Variants in TAF4B observed in about 807,000 individuals in gnomAD.
TAF4B encodes transcription initiation factor TFIID subunit 4B.
In TAF4B, 38 loss-of-function variants were observed where a neutral mutation model predicts 86.4. The observed-to-expected ratio is 0.44, with a 90% confidence interval of 0.34 to 0.58. The LOEUF (loss-of-function observed/expected upper bound fraction) is 0.58, where lower values mean the gene tolerates loss of function less well. Among genes scored for constraint, TAF4B ranks in the 20% least tolerant of loss-of-function variants. The pLI is 0.02. For synonymous variants in TAF4B, 388 were observed against 391.2 expected (o/e 0.99, Z 0.10); for missense variants, 988 against 1,027.6 (o/e 0.96, Z 0.53).
intron 3 of TAF4B, among the ~76,000 whole-genome samples, chr18:26,269,530 G>A (rs570015319): frequency 5.0e-4 from 76 of 152,258 alleles, no homozygotes; most frequent in African/African-American, 1.7e-3. Flanking sequence ...CTTGGAGCCT[G>A]CTACCTGGAA....
chr18:26,227,211 T>C lies in TAF4B; in HGVS notation c.278T>C (p.Ile93Thr). Reference sequence around the variant, plus strand: ...GGCCCTAGGCTGCCTGCTCCTCAGATAGTCGCCGTGAAAGCCCCCAACACC... The same window carrying C: ...GGCCCTAGGCTGCCTGCTCCTCAGACAGTCGCCGTGAAAGCCCCCAACACC... ...SSGPRLPAPQ[I>T]VAVKAPNTTT... The change falls in exon 1 of 15, where the codon ATA becomes ACA. Residue 93 changes from isoleucine (I) to threonine (T), a missense_variant. Ile to Thr is a moderately conservative substitution (Grantham distance 89). Transcript: ENST00000269142. The C allele has an allele frequency of 3.7e-6, 6 of 1,613,964 alleles. No homozygotes were observed. The highest frequency in any genetic ancestry group is 5.1e-6 in the Non-Finnish European group (6 of 1,179,942).
At chr18:26,365,821 G>A (rs866686227) in intron 14 of TAF4B, among the ~76,000 whole-genome samples, 40 of 152,212 alleles carry the variant, frequency 2.6e-4, no homozygotes, top group Admixed American at 2.3e-3. Context: ...ATGGGGTCTT[G>A]CTTTATCACC....
intron 12 of TAF4B, among the ~76,000 whole-genome samples, chr18:26,329,358 T>G (rs927296026): frequency 6.6e-6 from 1 of 152,134 alleles, no homozygotes; most frequent in Non-Finnish European, 1.5e-5. Context: ...TGCCCAGCCA[T>G]TTTTCTTTTC....
intron 9 of TAF4B, among the ~76,000 whole-genome samples, chr18:26,313,752 A>G (rs781038783): frequency 8.6e-5 from 13 of 151,380 alleles, no homozygotes; most frequent in Non-Finnish European, 1.3e-4. Context: ...TGCAGCCTCT[A>G]CCTCCCAGGC....
chr18:26,278,697 C>G lies in TAF4B; in HGVS notation c.883-3274C>G, dbSNP rs144959301. 2.0e-5 allele frequency among the ~76,000 whole-genome samples: 3 copies of G among 151,546 alleles called. No homozygotes were observed. The South Asian group carries it at 6.3e-4, about 32-fold the overall frequency. On this transcript the variant is annotated intron_variant, in intron 5 of 14. Coordinates refer to ENST00000269142, the MANE Select transcript of TAF4B (RefSeq NM_005640.3). ...TTCACTTTGCCATTGCCTTTCTTACCGGTAGTTTTACCCATTGTTGCCTTT... is the reference window on the plus strand; with the variant it reads ...TTCACTTTGCCATTGCCTTTCTTACGGGTAGTTTTACCCATTGTTGCCTTT...
intron 13 of TAF4B, among the ~76,000 whole-genome samples, chr18:26,346,641 CAGT>C (rs2057181558): frequency 1.3e-5 from 2 of 148,532 alleles, no homozygotes; most frequent in Admixed American, 6.8e-5. Flanking sequence ...ATCAGATTAA[CAGT>C]AGATTTCTCA....
chr18:26,377,850 T>A (rs565760909), intron 14 of TAF4B, among the ~76,000 whole-genome samples: 3 of 152,344 alleles, frequency 2.0e-5, no homozygotes, highest in East Asian at 3.9e-4. Context: ...CATTAGGGAT[T>A]TCAACAAAAT....
chr18:26,304,479 A>ACT (rs1314228863), intron 9 of TAF4B, among the ~76,000 whole-genome samples: 1 of 152,250 alleles, frequency 6.6e-6, no homozygotes, highest in Non-Finnish European at 1.5e-5. Context: ...AAATGTAGTC[A>ACT]ATAAATCTAA....
chr18:26,230,918 TGA>T (rs2055655534), intron 1 of TAF4B, among the ~76,000 whole-genome samples: 1 of 152,156 alleles, frequency 6.6e-6, no homozygotes, highest in African/African-American at 2.4e-5. Context: ...ATCAGTGTGT[TGA>T]GTTTTGATTT....
At chr18:26,361,742 CTCAAAAAA>C (rs1230651610) in intron 14 of TAF4B, among the ~76,000 whole-genome samples, 1 of 108,908 alleles carries the variant, frequency 9.2e-6, no homozygotes, top group African/African-American at 3.6e-5. Flanking sequence ...GAGACTCCGT[CTCAAAAAA>C]AAAAAAAAAA....
rs1978680217 is a variant in TAF4B, at chr18:26,391,071, TAAC to T, written c.*1062_*1064del. On this transcript the variant is annotated 3_prime_UTR_variant, in exon 15 of 15. Coordinates refer to ENST00000269142, the MANE Select transcript of TAF4B (RefSeq NM_005640.3). ...ATCCTAATTGATGATGAGAAATTTT[TAAC>T]AATAGGACTTTATGTTGGATTCTGT... 6.6e-6 allele frequency: 1 copy of T among 152,210 alleles called. No homozygotes were observed. Among genetic ancestry groups the T allele is most frequent in the South Asian group, 2.1e-4 (1 of 4,834 alleles). The allele number at this position is 152,210 out of a possible 1,614,324, so 9.4% of individuals were successfully genotyped here.
At position 26,364,900 on chromosome 18, in the gene TAF4B, TTAAAA is replaced by T. The variant is rs200301874; in HGVS notation, c.2421+7109_2421+7113del. Among the ~76,000 whole-genome samples the T allele has an allele frequency of 9.6e-3, 1,456 of 152,194 alleles. 12 individuals are homozygous for T. Among genetic ancestry groups the T allele is most frequent in the African/African-American group, 0.033 (1,352 of 41,506 alleles). Reference sequence around the variant, plus strand: ...CATGGTGCTTATAGTATCATTTTAGTTAAAATAGAATTTGCTAACCAAAATAAAGA... The same window carrying T: ...CATGGTGCTTATAGTATCATTTTAGTTAGAATTTGCTAACCAAAATAAAGA... On this transcript the variant is annotated intron_variant, in intron 14 of 14. Transcript: ENST00000269142.
intron 6 of TAF4B, among the ~76,000 whole-genome samples, chr18:26,283,097 G>T (rs921391400): frequency 2.0e-5 from 3 of 152,076 alleles, no homozygotes; most frequent in African/African-American, 7.2e-5. Flanking sequence ...CACTTCTTAT[G>T]AACTCCTGTT....
chr18:26,292,027 A>G (rs1467307534), intron 7 of TAF4B, among the ~76,000 whole-genome samples: 4 of 152,226 alleles, frequency 2.6e-5, no homozygotes, highest in Admixed American at 6.5e-5. Context: ...GGTGAAATAA[A>G]ATTTAAATTC....
chr18:26,285,106 T>C (rs1162930038), intron 6 of TAF4B, among the ~76,000 whole-genome samples: 1 of 151,586 alleles, frequency 6.6e-6, no homozygotes, highest in African/African-American at 2.4e-5. Context: ...TAGCTGGGAC[T>C]ACAGGCATGC....
chr18:26,251,779 A>G (rs546940656), intron 1 of TAF4B, among the ~76,000 whole-genome samples: 143 of 152,292 alleles, frequency 9.4e-4, no homozygotes, highest in African/African-American at 3.2e-3. Flanking sequence ...TTTCTATTAT[A>G]TTATTGCTTC....
chr18:26,285,855 T>C, intron 6 of TAF4B, 27 bp from the exon 7 acceptor site: 2 of 1,580,460 alleles, frequency 1.3e-6, no homozygotes, highest in South Asian at 2.4e-5. Flanking sequence ...GTTAGCAGTG[T>C]TTTTTTCCAT....
chr18:26,267,727 A>G, intron 3 of TAF4B, 104 bp downstream of exon 3: 3 of 765,542 alleles, frequency 3.9e-6, no homozygotes, highest in African/African-American at 1.7e-5. Context: ...GACATTGAAG[A>G]TAGCAATTCA....
chr18:26,341,238 T>C (rs2144706947), intron 13 of TAF4B, among the ~76,000 whole-genome samples: 1 of 152,276 alleles, frequency 6.6e-6, no homozygotes, highest in South Asian at 2.1e-4. Context: ...CCTGCTCTGC[T>C]TATAAGATTG....
Sources: allele counts gnomAD v4.1 joint callset (sites outside exome capture counted in the v4.1 genomes callset), GRCh38; gene constraint gnomAD v4.1.1; transcripts MANE v1.5; gene names NCBI Gene and HGNC (gene_info 2026-07-23, HGNC 2026-07-21).